WTIP: variants seen among roughly 807,000 people sequenced by gnomAD.
WTIP encodes WT1 interacting protein, also known as Wilms tumor protein 1-interacting protein.
In WTIP, 23 loss-of-function variants were observed where a neutral mutation model predicts 41.7. The observed-to-expected ratio is 0.55, with a 90% CI of 0.40 to 0.78. The LOEUF is 0.78. Among genes scored for constraint, WTIP ranks in the 30% least tolerant of loss-of-function variants. The pLI is 0.00. For missense variants in WTIP, 619 were observed against 610.5 expected (o/e 1.01, Z -0.15); for synonymous variants, 314 against 269.9 (o/e 1.16, Z -1.60).
intron 6 of WTIP, among the ~76,000 whole-genome samples, 190 bp from the exon 7 acceptor site, chr19:34,495,513 G>T (rs1048152656): frequency 5.3e-5 from 8 of 152,222 alleles, no homozygotes; most frequent in African/African-American, 1.9e-4. Flanking sequence ...GACGCCTAAG[G>T]CCCGCATGTG....
rs1441449976 is a variant in WTIP, at chr19:34,511,357, CA to C, written c.*11092del. 1 of 151,994 alleles carries C rather than the reference CA, an allele frequency of 6.6e-6. No homozygotes were observed. Among genetic ancestry groups the C allele is most frequent in the Non-Finnish European group, 1.5e-5 (1 of 67,994 alleles). The allele number at this position is 151,994 out of a possible 1,614,324, so 9.4% of individuals were successfully genotyped here. Reference sequence around the variant, plus strand: ...TATGGGGGAAACTGCCCCCATGATTCAAAATATTTCCCATTGGGTCCCTCCC... The same window carrying C: ...TATGGGGGAAACTGCCCCCATGATTCAAATATTTCCCATTGGGTCCCTCCC... On this transcript the variant is annotated 3_prime_UTR_variant, in exon 8 of 8. Transcript: ENST00000590071.
intron 1 of WTIP, among the ~76,000 whole-genome samples, chr19:34,489,726 T>A (rs2075815904): frequency 6.6e-6 from 1 of 152,208 alleles, no homozygotes; most frequent in African/African-American, 2.4e-5. Context: ...GAGGATTGTT[T>A]GAGCCCACCC....
chr19:34,482,286 C>T lies in WTIP; in HGVS notation c.312C>T (p.Ser104=). 2.2e-6 allele frequency: 3 copies of T among 1,333,674 alleles called. No homozygotes were observed. The highest frequency in any genetic ancestry group is 1.9e-6 in the Non-Finnish European group (2 of 1,034,354). 82.6% of individuals were successfully genotyped at this position (1,333,674 alleles called of 1,614,324 possible). Residue 104 remains serine, a synonymous_variant, in exon 1 of 8, where the codon AGC becomes AGT. Transcript: ENST00000590071. ...CCGACGGCGGCGGCGGTGGCGGCAG[C>T]GCCCGATCCAGCGGCATCAGCCTGG... The part of the protein sequence containing the change: ...AGSDGGGGGG[S]ARSSGISLGY...
Position 34,509,252 on chromosome 19 carries a change from G to A in WTIP, c.*8983G>A, listed in dbSNP as rs1353899841. On this transcript the variant is annotated 3_prime_UTR_variant, in exon 8 of 8. Transcript: ENST00000590071. ...ATCCCCAAGACTGGGAAGAAAAAGA[G>A]GTTTAATTGGATTTACAGTTCCACA... The A allele has an allele frequency of 6.6e-6, 1 of 152,208 alleles. No individual in the cohort carries two copies. Among genetic ancestry groups the A allele is most frequent in the Non-Finnish European group, 1.5e-5 (1 of 68,076 alleles). The allele number at this position is 152,208 out of a possible 1,614,324, so 9.4% of individuals were successfully genotyped here.
intron 1 of WTIP, among the ~76,000 whole-genome samples, chr19:34,484,902 C>G (rs1302425011): frequency 1.4e-5 from 2 of 145,952 alleles, no homozygotes; most frequent in African/African-American, 2.5e-5. Flanking sequence ...TGCACTCTGG[C>G]CTGGATGACA....
chr19:34,507,475 T>C lies in WTIP; in HGVS notation c.*7206T>C, dbSNP rs886576210. ...CAGACTGTCCCCTTTGGATGCCAGT[T>C]GAATCTGTGTCTTGTGCCCCCTGAG... On this transcript the variant is annotated 3_prime_UTR_variant, in exon 8 of 8. Coordinates refer to ENST00000590071, the MANE Select transcript of WTIP (RefSeq NM_001080436.2). 2 of 151,444 alleles carry C rather than the reference T, an allele frequency of 1.3e-5. No individual in the cohort carries two copies. The highest frequency in any genetic ancestry group is 2.9e-5 in the Non-Finnish European group (2 of 67,958). The allele number at this position is 151,444 out of a possible 1,614,324, so 9.4% of individuals were successfully genotyped here.
At chr19:34,485,655 G>A (rs1424891681) in intron 1 of WTIP, among the ~76,000 whole-genome samples, 1 of 151,676 alleles carries the variant, frequency 6.6e-6, no homozygotes, top group East Asian at 1.9e-4. Context: ...GTGCAGTGGT[G>A]AGATCAGCGC....
chr19:34,497,984 G>A (rs1021302333), intron 7 of WTIP, among the ~76,000 whole-genome samples: 1 of 152,186 alleles, frequency 6.6e-6, no homozygotes, highest in African/African-American at 2.4e-5. Context: ...CCGCGAGGCT[G>A]TTGGATGGGG....
In WTIP at chr19:34,500,685, G is replaced by A. The variant is rs2059147; in HGVS notation, c.*416G>A. The A allele has an allele frequency of 0.34, 55,434 of 164,648 alleles. 9,728 individuals carry two copies. The highest frequency in any genetic ancestry group is 0.54 in the East Asian group (3,064 of 5,646). 10.2% of individuals were successfully genotyped at this position (164,648 alleles called of 1,614,324 possible). A position where few individuals can be genotyped will look rare whatever the true frequency, so the allele number is the denominator to read the frequency against. ...CCCCGACCTCGCAAAGCGCACTCCC[G>A]GGCAGGGTGTGGTCTGGAAGGCGGG... On this transcript the variant is annotated 3_prime_UTR_variant, in exon 8 of 8. Transcript: ENST00000590071.
chr19:34,510,563 C>T lies in WTIP; in HGVS notation c.*10294C>T, dbSNP rs931936214. The T allele has an allele frequency of 5.9e-5, 9 of 152,282 alleles. No homozygotes were observed. The highest frequency in any genetic ancestry group is 5.9e-4 in the Admixed American group (9 of 15,292). The allele number at this position is 152,282 out of a possible 1,614,324, so 9.4% of individuals were successfully genotyped here. On this transcript the variant is annotated 3_prime_UTR_variant, in exon 8 of 8. Coordinates refer to ENST00000590071, the MANE Select transcript of WTIP (RefSeq NM_001080436.2). The stretch of plus-strand genomic sequence containing the variant: ...TTTTCCCCATTGTCTTGGGGTTAAA[C>T]ATTCCCCTCCTTGTTACTTATGCAA...
At chr19:34,488,309 C>T (rs1453237767) in intron 1 of WTIP, among the ~76,000 whole-genome samples, 1 of 152,038 alleles carries the variant, frequency 6.6e-6, no homozygotes, top group Non-Finnish European at 1.5e-5. Flanking sequence ...CTCCTGACCT[C>T]CTGATCCACC....
intron 1 of WTIP, among the ~76,000 whole-genome samples, chr19:34,488,254 T>G (rs747653906): frequency 2.0e-5 from 3 of 152,094 alleles, no homozygotes; most frequent in Non-Finnish European, 4.4e-5. Context: ...TTTTGTATCT[T>G]TAGTAGAGAT....
At chr19:34,495,571 C>G (rs1016796775) in intron 6 of WTIP, 132 bp from the exon 7 acceptor site, 4 of 908,908 alleles carry the variant, frequency 4.4e-6, no homozygotes, top group Non-Finnish European at 6.8e-6. Flanking sequence ...ACAGAAGCAG[C>G]GTGGCAGTGC....
chr19:34,483,590 C>T (rs1356713156), intron 1 of WTIP, among the ~76,000 whole-genome samples: 1 of 152,196 alleles, frequency 6.6e-6, no homozygotes, highest in Non-Finnish European at 1.5e-5. Context: ...CTGCCCTCGC[C>T]CGGACTGTGC....
chr19:34,486,164 C>A (rs1401500672), intron 1 of WTIP, among the ~76,000 whole-genome samples: 1 of 152,164 alleles, frequency 6.6e-6, no homozygotes, highest in Non-Finnish European at 1.5e-5. Context: ...TAACTCCAGT[C>A]TGCTTCTCAG....
intron 1 of WTIP, among the ~76,000 whole-genome samples, chr19:34,484,012 C>T (rs1303651064): frequency 1.3e-5 from 2 of 149,896 alleles, no homozygotes; most frequent in African/African-American, 4.9e-5. Flanking sequence ...CTGCAACCTC[C>T]GACTCCCTGG....
intron 1 of WTIP, among the ~76,000 whole-genome samples, chr19:34,486,378 T>C (rs1488963809): frequency 2.6e-5 from 4 of 151,682 alleles, no homozygotes; most frequent in Non-Finnish European, 5.9e-5. Flanking sequence ...GTTTTTTTTT[T>C]TTTTTTGAGA....
At chr19:34,488,550 G>C (rs899664722) in intron 1 of WTIP, among the ~76,000 whole-genome samples, 1 of 151,764 alleles carries the variant, frequency 6.6e-6, no homozygotes, top group Non-Finnish European at 1.5e-5. Context: ...AATTTTTGTA[G>C]AGATGAGGGT....
chr19:34,490,158 G>C (rs537586001), intron 1 of WTIP, among the ~76,000 whole-genome samples: 1 of 152,060 alleles, frequency 6.6e-6, no homozygotes, highest in South Asian at 2.1e-4. Context: ...CTGGGTGCTC[G>C]GCCAAGCCCT....
Sources: allele counts gnomAD v4.1 joint callset (sites outside exome capture counted in the v4.1 genomes callset), GRCh38; gene constraint gnomAD v4.1.1; transcripts MANE v1.5; gene names NCBI Gene and HGNC (gene_info 2026-07-23, HGNC 2026-07-21).